The following CHODL variants were observed in gnomAD, a reference collection of about 807,000 sequenced individuals.
CHODL encodes the protein chondrolectin, also known as transmembrane protein MT75.
A neutral mutation model predicts 34.5 loss-of-function variants in CHODL; 29 were observed. The ratio of observed to expected loss-of-function variants is 0.84; its 90% CI spans 0.63 to 1.15. The LOEUF (loss-of-function observed/expected upper bound fraction) is 1.15, where lower values mean the gene tolerates loss of function less well. Ranked by LOEUF, CHODL falls within the 50% of genes most tolerant of loss-of-function variation. The probability of loss-of-function intolerance (pLI) is 0.00; values close to 1 mark genes in which losing one functional copy is unlikely to be tolerated. For missense variants in CHODL, 332 were observed against 332.5 expected (o/e 1.00, Z 0.01); for synonymous variants, 125 against 116.1 (o/e 1.08, Z -0.49).
chr21:18,042,215 T>C (rs1324214391), intron 2 of CHODL, among the ~76,000 whole-genome samples: 1 of 151,972 alleles, frequency 6.6e-6, no homozygotes, highest in Non-Finnish European at 1.5e-5. Flanking sequence ...CAATTTGTTT[T>C]CCAGGAGCAC....
chr21:18,162,371 A>T (rs542527716), intron 2 of CHODL, among the ~76,000 whole-genome samples: 1 of 151,570 alleles, frequency 6.6e-6, no homozygotes, highest in Non-Finnish European at 1.5e-5. Flanking sequence ...GGCTTGTAGA[A>T]GTATCAGCCT....
intron 2 of CHODL, among the ~76,000 whole-genome samples, chr21:18,132,869 A>G (rs2072673806): frequency 1.3e-5 from 2 of 151,346 alleles, no homozygotes; most frequent in Non-Finnish European, 3.0e-5. Context: ...ACTTCCTGAC[A>G]TATAAATGTT....
chr21:18,129,397 C>A (rs1036638662), intron 2 of CHODL, among the ~76,000 whole-genome samples: 9 of 152,000 alleles, frequency 5.9e-5, no homozygotes, highest in African/African-American at 1.2e-4. Context: ...TTCCTCCTGG[C>A]AACATCTATT....
At chr21:18,159,352 T>A (rs866353256) in intron 2 of CHODL, among the ~76,000 whole-genome samples, 2 of 152,334 alleles carry the variant, frequency 1.3e-5, no homozygotes, top group Middle Eastern at 3.4e-3. Context: ...GATGATTTAA[T>A]ATGGGAACTA....
chr21:18,016,944 C>T (rs540131490), intron 1 of CHODL, among the ~76,000 whole-genome samples: 1 of 152,354 alleles, frequency 6.6e-6, no homozygotes, highest in East Asian at 1.9e-4. Flanking sequence ...GGGCCTGCGG[C>T]CCCATTGTTT....
intron 1 of CHODL, among the ~76,000 whole-genome samples, chr21:18,026,369 G>A (rs2064175262): frequency 6.6e-6 from 1 of 152,078 alleles, no homozygotes; most frequent in Non-Finnish European, 1.5e-5. Context: ...CAAATAAAAT[G>A]CATTAATAAT....
chr21:18,148,527 C>T (rs1306860263), intron 2 of CHODL, among the ~76,000 whole-genome samples: 5 of 152,068 alleles, frequency 3.3e-5, no homozygotes. Context: ...TATGCACACA[C>T]ACACAATATT....
intron 2 of CHODL, among the ~76,000 whole-genome samples, chr21:18,031,153 A>G (rs2064243429): frequency 6.6e-6 from 1 of 152,110 alleles, no homozygotes; most frequent in Admixed American, 6.6e-5. Context: ...GGAAGATGTG[A>G]AGCCCCTGGT....
At chr21:18,215,547 CT>C (rs1366715807) in intron 2 of CHODL, among the ~76,000 whole-genome samples, 2 of 151,916 alleles carry the variant, frequency 1.3e-5, no homozygotes, top group African/African-American at 4.8e-5. Context: ...TGTCTTTGGC[CT>C]TAAGTTAGTT....
intron 2 of CHODL, among the ~76,000 whole-genome samples, chr21:18,143,937 T>A (rs548396707): frequency 6.6e-6 from 1 of 152,232 alleles, no homozygotes; most frequent in South Asian, 2.1e-4. Context: ...TGGGGTACTA[T>A]AATTTCATTA....
At chr21:17,974,641 G>GA (rs1219941979) in intron 1 of CHODL, among the ~76,000 whole-genome samples, 1 of 151,922 alleles carries the variant, frequency 6.6e-6, no homozygotes, top group Non-Finnish European at 1.5e-5. Context: ...CGAAGTAAAA[G>GA]AAAAAATACT....
intron 1 of CHODL, among the ~76,000 whole-genome samples, chr21:18,009,714 C>A (rs913309668): frequency 6.6e-6 from 1 of 151,758 alleles, no homozygotes; most frequent in African/African-American, 2.4e-5. Flanking sequence ...TGGTGAAACC[C>A]CGTCTCTAAT....
At chr21:18,107,515 CA>C (rs1452100030) in intron 2 of CHODL, among the ~76,000 whole-genome samples, 3 of 152,218 alleles carry the variant, frequency 2.0e-5, no homozygotes, top group African/African-American at 7.2e-5. Context: ...AACTTAGTCG[CA>C]TCTGTCCATT....
chr21:18,037,294 T>C (rs1245717314), intron 2 of CHODL, among the ~76,000 whole-genome samples: 1 of 151,908 alleles, frequency 6.6e-6, no homozygotes, highest in Non-Finnish European at 1.5e-5. Flanking sequence ...ATTCTGACTT[T>C]TAAAAAATTT....
chr21:18,065,855 C>T (rs907828154), intron 2 of CHODL, among the ~76,000 whole-genome samples: 2 of 152,146 alleles, frequency 1.3e-5, no homozygotes, highest in Non-Finnish European at 2.9e-5. Context: ...TAAAAAAATG[C>T]TTTTAACAGG....
intron 1 of CHODL, among the ~76,000 whole-genome samples, chr21:17,962,925 G>T (rs911610195): frequency 2.6e-5 from 4 of 151,954 alleles, no homozygotes; most frequent in African/African-American, 7.3e-5. Flanking sequence ...TTAGCCAGGC[G>T]TGGTGGCGGG....
chr21:17,953,839 G>A (rs543675433), intron 1 of CHODL, among the ~76,000 whole-genome samples: 1 of 151,972 alleles, frequency 6.6e-6, no homozygotes, highest in South Asian at 2.1e-4. Context: ...GTGAAACCTT[G>A]TCTCTACTAA....
upstream of CHODL, among the ~76,000 whole-genome samples, chr21:18,242,466 G>C (rs535451372): frequency 2.1e-4 from 31 of 150,586 alleles, 1 homozygote; most frequent in Non-Finnish European, 4.1e-4. Flanking sequence ...CTTCCATCAG[G>C]GCTCTCCAAA....
intron 2 of CHODL, among the ~76,000 whole-genome samples, chr21:18,072,605 A>C (rs879897259): frequency 2.0e-5 from 3 of 152,098 alleles, no homozygotes; most frequent in Non-Finnish European, 4.4e-5. Context: ...GTACAGTCCT[A>C]ATTTTGTGTA....
Sources: gnomAD v4.1 joint callset for allele counts (sites outside exome capture counted in the v4.1 genomes callset) on GRCh38, gnomAD v4.1.1 for gene constraint, MANE v1.5 for transcripts, NCBI Gene and HGNC (gene_info 2026-07-23, HGNC 2026-07-21) for gene names.